Variants in NREP observed in about 807,000 individuals in gnomAD.
The protein encoded by NREP is neuronal regeneration related protein.
A neutral mutation model predicts 8.6 loss-of-function variants in NREP; 5 were observed. The observed-to-expected ratio is 0.58, with a 90% confidence interval of 0.30 to 1.22. The LOEUF (loss-of-function observed/expected upper bound fraction) is 1.22, where lower values mean the gene tolerates loss of function less well. NREP is among the 50% of genes most tolerant of loss of function. The pLI is 0.07. For missense variants in NREP, 86 were observed against 82.5 expected (o/e 1.04, Z -0.17); for synonymous variants, 27 against 28.0 (o/e 0.96, Z 0.11).
At chr5:111,935,199 G>A (rs1405967055) in intron 2 of NREP, among the ~76,000 whole-genome samples, 4 of 152,084 alleles carry the variant, frequency 2.6e-5, no homozygotes, top group Non-Finnish European at 5.9e-5. Flanking sequence ...TCACATGGGA[G>A]GGAGGTGACA....
intron 2 of NREP, among the ~76,000 whole-genome samples, chr5:111,879,342 G>C (rs543485198): frequency 1.3e-5 from 2 of 152,312 alleles, no homozygotes; most frequent in African/African-American, 4.8e-5. Flanking sequence ...AGGAAGATCA[G>C]ATAAAGCACT....
At position 111,964,590 on chromosome 5, in the gene NREP, G is replaced by C. The variant is rs1339173215; in HGVS notation, c.135+10684C>G. Among the ~76,000 whole-genome samples the C allele has an allele frequency of 2.6e-5, 4 of 152,044 alleles. No homozygotes were observed. In the East Asian group the frequency reaches 5.8e-4, roughly 22 times the overall value. On this transcript the variant is annotated intron_variant, in intron 2 of 3. Transcript: ENST00000395634. ...TGCCCATGTTGGCCAGGCTGGTCTA[G>C]TACTCCTGGCCTCAAGTGATCCACC... is the stretch of plus-strand genomic sequence containing the variant.
At chr5:111,847,630 G>T (rs1265708224) in intron 2 of NREP, among the ~76,000 whole-genome samples, 1 of 152,146 alleles carries the variant, frequency 6.6e-6, no homozygotes, top group East Asian at 1.9e-4. Flanking sequence ...AAAGTTATCT[G>T]TTAAATGCCA....
intron 2 of NREP, among the ~76,000 whole-genome samples, chr5:111,828,512 A>T (rs1752682933): frequency 6.6e-6 from 1 of 152,118 alleles, no homozygotes; most frequent in South Asian, 2.1e-4. Flanking sequence ...TAATTCCCTA[A>T]AACAATGTTT....
intron 2 of NREP, among the ~76,000 whole-genome samples, chr5:111,827,114 G>T (rs989143277): frequency 6.6e-6 from 1 of 152,176 alleles, no homozygotes; most frequent in African/African-American, 2.4e-5. Flanking sequence ...TTGCTTGTTA[G>T]TAGTCGGCTT....
At chr5:111,916,978 C>T (rs747984334) in intron 2 of NREP, among the ~76,000 whole-genome samples, 6 of 152,144 alleles carry the variant, frequency 3.9e-5, no homozygotes, top group East Asian at 1.9e-4. Context: ...AGTTTCTGCC[C>T]GCTTGGAAGA....
chr5:111,927,098 G>T (rs1312214719), intron 2 of NREP, among the ~76,000 whole-genome samples: 2 of 151,976 alleles, frequency 1.3e-5, no homozygotes, highest in Non-Finnish European at 1.5e-5. Flanking sequence ...TCTGAATTGG[G>T]CCCTATATTC....
intron 2 of NREP, among the ~76,000 whole-genome samples, chr5:111,879,920 C>T (rs572385324): frequency 9.2e-5 from 14 of 152,316 alleles, no homozygotes; most frequent in African/African-American, 3.1e-4. Flanking sequence ...CCTCTTCTAA[C>T]CCTAATTACC....
intron 2 of NREP, among the ~76,000 whole-genome samples, chr5:111,786,526 C>T (rs545706283): frequency 1.3e-5 from 2 of 152,296 alleles, no homozygotes; most frequent in South Asian, 4.1e-4. Context: ...CATGGATATA[C>T]TATTATTTTT....
At chr5:111,964,855 C>CAAAAAAAAAAAAAAAAAAA (rs58877839) in intron 2 of NREP, among the ~76,000 whole-genome samples, 34 of 44,884 alleles carry the variant, frequency 7.6e-4, no homozygotes, top group African/African-American at 1.2e-3. Flanking sequence ...CTTTCAGCAG[C>CAAAAAAAAAAAAAAAAAAA]AAAAAAAAAA....
At chr5:111,928,476 A>G (rs1403566624) in intron 2 of NREP, among the ~76,000 whole-genome samples, 1 of 152,150 alleles carries the variant, frequency 6.6e-6, no homozygotes, top group African/African-American at 2.4e-5. Context: ...GTGTGAATCT[A>G]CGTCCCTGTG....
intron 2 of NREP, among the ~76,000 whole-genome samples, chr5:111,851,780 T>C (rs1031621916): frequency 2.0e-5 from 3 of 152,168 alleles, no homozygotes; most frequent in Non-Finnish European, 4.4e-5. Context: ...TTAAGTGTTC[T>C]AATGACACAA....
At chr5:111,893,286 G>A (rs1015559586) in intron 2 of NREP, among the ~76,000 whole-genome samples, 3 of 152,152 alleles carry the variant, frequency 2.0e-5, no homozygotes, top group Admixed American at 1.3e-4. Flanking sequence ...CATTAACTTG[G>A]GCAATACTCA....
At chr5:111,920,164 T>G (rs1581219548) in intron 2 of NREP, among the ~76,000 whole-genome samples, 1 of 152,112 alleles carries the variant, frequency 6.6e-6, no homozygotes, top group South Asian at 2.1e-4. Context: ...TTTATCTGTT[T>G]GGAAAATTGC....
At chr5:111,955,021 G>A (rs909262250) in intron 2 of NREP, among the ~76,000 whole-genome samples, 1 of 152,132 alleles carries the variant, frequency 6.6e-6, no homozygotes, top group Non-Finnish European at 1.5e-5. Context: ...TGAGGAAGAA[G>A]GCTAACTGAA....
chr5:111,741,918 A>T (rs1749704961), intron 2 of NREP, among the ~76,000 whole-genome samples: 1 of 151,806 alleles, frequency 6.6e-6, no homozygotes, highest in African/African-American at 2.4e-5. Flanking sequence ...TGAACACCCA[A>T]CTACTGCACT....
intron 2 of NREP, among the ~76,000 whole-genome samples, chr5:111,778,747 A>G (rs560728426): frequency 2.6e-5 from 4 of 152,304 alleles, no homozygotes; most frequent in African/African-American, 2.4e-5. Context: ...GACAAACAGC[A>G]TATTCTTTAA....
chr5:111,741,363 C>T (rs1191108988), intron 2 of NREP, among the ~76,000 whole-genome samples: 5 of 152,110 alleles, frequency 3.3e-5, no homozygotes, highest in African/African-American at 1.2e-4. Flanking sequence ...AGAATTCATG[C>T]GCATATACAT....
chr5:111,806,010 C>T (rs1433428134), intron 2 of NREP, among the ~76,000 whole-genome samples: 1 of 152,058 alleles, frequency 6.6e-6, no homozygotes, highest in Non-Finnish European at 1.5e-5. Flanking sequence ...TCTTATTGCA[C>T]ACTAAAAATA....
Sources: allele counts gnomAD v4.1 joint callset (sites outside exome capture counted in the v4.1 genomes callset), GRCh38; gene constraint gnomAD v4.1.1; transcripts MANE v1.5; gene names NCBI Gene and HGNC (gene_info 2026-07-23, HGNC 2026-07-21).